IL34: variants seen among roughly 807,000 people sequenced by gnomAD.
IL34 encodes the protein interleukin-34.
Under a neutral mutation model 25.3 loss-of-function variants are expected in IL34, and 17 were observed. The observed-to-expected ratio is 0.67, with a 90% confidence interval of 0.46 to 1.01. The LOEUF (loss-of-function observed/expected upper bound fraction) is 1.01. Ranked by LOEUF, IL34 falls within the 50% of genes least tolerant of loss-of-function variation. The probability of loss-of-function intolerance (pLI) is 0.00; values close to 1 mark genes in which losing one functional copy is unlikely to be tolerated. For missense variants in IL34, 368 were observed against 312.9 expected (o/e 1.18, Z -1.33); for synonymous variants, 174 against 140.9 (o/e 1.23, Z -1.66).
At chr16:70,623,706 A>C (rs1275835675) in intron 1 of IL34, among the ~76,000 whole-genome samples, 1 of 151,808 alleles carries the variant, frequency 6.6e-6, no homozygotes, top group South Asian at 2.1e-4. Flanking sequence ...TGGCAATGAG[A>C]TGTAGCTGTA....
In IL34 at chr16:70,659,638, G is replaced by C. The variant is rs140718482; in HGVS notation, c.423G>C (p.Lys141Asn). 6.2e-7 allele frequency: 1 copy of C among 1,611,038 alleles called. No individual in the cohort carries two copies. The highest frequency in any genetic ancestry group is 1.1e-5 in the South Asian group (1 of 90,942). The stretch of plus-strand genomic sequence containing the variant: ...TCCAGGATGTGGAGGTCAGCCCCAA[G>C]GTGGAATCCGTGTTGTCCCTCTTGA... Reference protein sequence around the residue: ...QGLTDVEVSPKVESVLSLLNA... With the variant: ...QGLTDVEVSPNVESVLSLLNA... Residue 141 changes from lysine (K) to asparagine (N), a missense_variant, in exon 5 of 6, where the codon AAG (lysine) becomes AAC (asparagine). Physicochemically the swap from Lys to Asn is moderately conservative, Grantham distance 94. Coordinates refer to ENST00000288098, the MANE Select transcript of IL34 (RefSeq NM_001393494.1).
intron 1 of IL34, among the ~76,000 whole-genome samples, chr16:70,617,010 C>T (rs966617412): frequency 1.4e-4 from 21 of 151,780 alleles, no homozygotes; most frequent in Admixed American, 4.6e-4. Context: ...AGAGAGTGGG[C>T]GATGTTTCTC....
At chr16:70,629,606 A>G (rs1367514922) in intron 1 of IL34, among the ~76,000 whole-genome samples, 3 of 152,194 alleles carry the variant, frequency 2.0e-5, no homozygotes, top group African/African-American at 7.2e-5. Flanking sequence ...CTGTATAAAT[A>G]GTTGTTATAC....
rs148751624 is a variant in IL34, at chr16:70,625,142, A to T, written c.-400-21406A>T. 1.7e-4 allele frequency among the ~76,000 whole-genome samples: 26 copies of T among 152,188 alleles called. No individual in the cohort carries two copies. The East Asian group carries it at 4.2e-3, about 25-fold the overall frequency. ...GGGTCAAGCAGCATTGCAGAAGAAAATAAGGCGTTTAGGTTTTAGGTCAGG... is the reference window on the plus strand; with the variant it reads ...GGGTCAAGCAGCATTGCAGAAGAAATTAAGGCGTTTAGGTTTTAGGTCAGG... On this transcript the variant is annotated intron_variant, in intron 1 of 6. Coordinates refer to the IL34 transcript ENST00000429149.
chr16:70,629,762 T>A (rs2051477172), intron 1 of IL34, among the ~76,000 whole-genome samples: 1 of 151,964 alleles, frequency 6.6e-6, no homozygotes, highest in South Asian at 2.1e-4. Context: ...ATTTATGGGG[T>A]ACATGAGATA....
intron 1 of IL34, among the ~76,000 whole-genome samples, chr16:70,639,273 C>G (rs1324583422): frequency 6.6e-6 from 1 of 152,174 alleles, no homozygotes; most frequent in Non-Finnish European, 1.5e-5. Flanking sequence ...ACGTCCAGAA[C>G]CCAGCCAATC....
chr16:70,639,599 C>T (rs1567458127), intron 1 of IL34, among the ~76,000 whole-genome samples: 1 of 139,092 alleles, frequency 7.2e-6, no homozygotes, highest in African/African-American at 2.6e-5. Context: ...AACACAGCAC[C>T]GCTTGTATCG....
chr16:70,618,324 G>A (rs959401800), intron 1 of IL34, among the ~76,000 whole-genome samples: 4 of 152,030 alleles, frequency 2.6e-5, no homozygotes, highest in African/African-American at 9.7e-5. Context: ...ACAGTCATGG[G>A]GGTCAGGTGT....
chr16:70,598,417 G>A (rs2050856986), intron 1 of IL34, among the ~76,000 whole-genome samples: 2 of 151,988 alleles, frequency 1.3e-5, no homozygotes, highest in African/African-American at 4.8e-5. Context: ...CACTGCTCCT[G>A]GTGCTTCTGT....
At chr16:70,613,637 G>A (rs1268489200) in intron 1 of IL34, among the ~76,000 whole-genome samples, 2 of 152,094 alleles carry the variant, frequency 1.3e-5, no homozygotes, top group Non-Finnish European at 2.9e-5. Context: ...ACTTTGGGAG[G>A]CTGCGGTGGG....
At chr16:70,638,586 A>T (rs574360104) in intron 1 of IL34, among the ~76,000 whole-genome samples, 1 of 151,516 alleles carries the variant, frequency 6.6e-6, no homozygotes, top group African/African-American at 2.4e-5. Context: ...ATGCTTTCCC[A>T]TGATATTTTA....
At chr16:70,582,075 C>G (rs2050641728) in intron 1 of IL34, among the ~76,000 whole-genome samples, 1 of 152,220 alleles carries the variant, frequency 6.6e-6, no homozygotes, top group South Asian at 2.1e-4. Context: ...ACTAGCCAGG[C>G]AAAATTGATA....
intron 1 of IL34, among the ~76,000 whole-genome samples, chr16:70,632,472 AT>A (rs749046187): frequency 4.6e-5 from 7 of 152,184 alleles, no homozygotes; most frequent in Non-Finnish European, 1.0e-4. Flanking sequence ...TCAGGTGGGC[AT>A]TTTGGGGAAC....
intron 2 of IL34, among the ~76,000 whole-genome samples, chr16:70,655,580 CAG>C (rs1434714118): frequency 8.5e-5 from 13 of 152,086 alleles, no homozygotes; most frequent in South Asian, 8.3e-4. Context: ...TGAGTAGAGA[CAG>C]GGGTTCACCA....
At position 70,657,100 on chromosome 16, in the gene IL34, G is replaced by C; in HGVS notation, c.381G>C (p.Leu127=). ...KYLQEVETLL[L]NVQQGLTDVE... ...TGCAGGAGGTGGAGACGCTGCTGCT[G>C]AATGTCCAGCAGGGCCTCACGGTGA... Residue 127 remains leucine (L), a synonymous_variant, in exon 4 of 6, where the codon CTG becomes CTC. Coordinates refer to ENST00000288098, the MANE Select transcript of IL34 (RefSeq NM_001393494.1). 2 of 1,613,136 alleles carry C rather than the reference G, an allele frequency of 1.2e-6. No individual in the cohort carries two copies. Among genetic ancestry groups the C allele is most frequent in the Non-Finnish European group, 1.7e-6 (2 of 1,179,916 alleles).
At chr16:70,580,426 C>G (rs2050624197) in intron 1 of IL34, among the ~76,000 whole-genome samples, 1 of 152,208 alleles carries the variant, frequency 6.6e-6, no homozygotes, top group South Asian at 2.1e-4. Context: ...TGCCGTAGGT[C>G]TTTGGACCTT....
chr16:70,634,889 C>A (rs772718157), intron 1 of IL34, among the ~76,000 whole-genome samples: 2 of 138,040 alleles, frequency 1.4e-5, no homozygotes, highest in East Asian at 4.0e-4. Flanking sequence ...TTTTGAGATT[C>A]ATCCATGTTG....
upstream of IL34, among the ~76,000 whole-genome samples, chr16:70,644,312 C>T (rs559944453): frequency 1.2e-4 from 19 of 152,026 alleles, no homozygotes; most frequent in African/African-American, 3.9e-4. Flanking sequence ...CTGATTCACC[C>T]GCCTCGGCCT....
chr16:70,604,512 G>A (rs1213058944), intron 1 of IL34, among the ~76,000 whole-genome samples: 10 of 152,210 alleles, frequency 6.6e-5, no homozygotes, highest in Non-Finnish European at 1.5e-4. Context: ...GTCTGCCTAA[G>A]TCCCCACAGC....
Sources: allele counts gnomAD v4.1 joint callset (sites outside exome capture counted in the v4.1 genomes callset), GRCh38; gene constraint gnomAD v4.1.1; transcripts MANE v1.5; gene names NCBI Gene and HGNC (gene_info 2026-07-23, HGNC 2026-07-21).